The following RARS2 variants were observed in gnomAD, a reference collection of about 807,000 sequenced individuals.
The protein encoded by RARS2 is arginyl-tRNA synthetase 2, mitochondrial, also known as probable arginine--tRNA ligase, mitochondrial.
A neutral mutation model predicts 88.5 loss-of-function variants in RARS2; 67 were observed. That is an observed-to-expected ratio of 0.76 (90% CI 0.62 to 0.93). The LOEUF (loss-of-function observed/expected upper bound fraction) is 0.93. Among genes scored for constraint, RARS2 ranks in the 40% least tolerant of loss-of-function variants. The pLI, the probability that RARS2 is intolerant of heterozygous loss-of-function variation, is 0.00. For missense variants in RARS2, 664 were observed against 684.2 expected, an observed-to-expected ratio of 0.97 and a Z score of 0.33; for synonymous variants, 239 against 230.3, an observed-to-expected ratio of 1.04 and a Z score of -0.34.
intron 8 of RARS2, among the ~76,000 whole-genome samples, chr6:87,535,009 C>T (rs1426347936): frequency 6.6e-6 from 1 of 151,576 alleles, no homozygotes; most frequent in Non-Finnish European, 1.5e-5. Flanking sequence ...CTAGGAGACA[C>T]ATAAGAGCCT....
At chr6:87,546,598 A>G (rs1377032338) in intron 6 of RARS2, among the ~76,000 whole-genome samples, 5 of 152,204 alleles carry the variant, frequency 3.3e-5, no homozygotes, top group Non-Finnish European at 7.3e-5. Flanking sequence ...AAGGGATTGC[A>G]GAAGAGGCAG....
At chr6:87,541,018 TTAAC>T (rs146785072) in intron 8 of RARS2, among the ~76,000 whole-genome samples, 4,131 of 152,250 alleles carry the variant, frequency 0.027, 175 homozygotes, top group African/African-American at 0.094. Flanking sequence ...GCAGTACATA[TTAAC>T]TGACAGAAAA....
In RARS2 at chr6:87,559,292, A is replaced by C. The variant is rs142861979; in HGVS notation, c.297+3410T>G. Among the ~76,000 whole-genome samples the C allele has an allele frequency of 5.8e-3, 880 of 152,022 alleles. 6 individuals carry two copies. The highest frequency in any genetic ancestry group is 0.018 in the African/African-American group (762 of 41,492). ...TTAATTTATCATTGAAGAAAGAAAA[A>C]TATTTATTTTTTAGAGACAGGGTCT... On this transcript the variant is annotated intron_variant, in intron 4 of 19. Transcript: ENST00000369536.
intron 8 of RARS2, among the ~76,000 whole-genome samples, chr6:87,533,462 C>A (rs144272504): frequency 6.6e-6 from 1 of 152,066 alleles, no homozygotes; most frequent in Admixed American, 6.6e-5. Context: ...TTGGAAAGTA[C>A]GCATTTTGAA....
chr6:87,582,501 T>C (rs1012969609), intron 1 of RARS2, among the ~76,000 whole-genome samples: 9 of 152,224 alleles, frequency 5.9e-5, no homozygotes, highest in African/African-American at 1.9e-4. Context: ...GTCAGATAGA[T>C]TGTGAAAATT....
chr6:87,517,889 T>C (rs1298193387), intron 17 of RARS2, among the ~76,000 whole-genome samples: 3 of 152,184 alleles, frequency 2.0e-5, no homozygotes, highest in African/African-American at 2.4e-5. Context: ...AAAAAGGTTA[T>C]GCTTTTATAA....
intron 1 of RARS2, among the ~76,000 whole-genome samples, chr6:87,581,247 C>T (rs545171578): frequency 6.6e-6 from 1 of 152,132 alleles, no homozygotes; most frequent in East Asian, 1.9e-4. Flanking sequence ...GGATCCATAT[C>T]TTTAGCAACC....
At chr6:87,541,752 A>T (rs1315943993) in intron 8 of RARS2, among the ~76,000 whole-genome samples, 166 bp downstream of exon 8, 1 of 152,192 alleles carries the variant, frequency 6.6e-6, no homozygotes, top group Non-Finnish European at 1.5e-5. Flanking sequence ...TGAACCCAGG[A>T]GGCAGAGGTT....
At chr6:87,547,566 CGTAA>C (rs1782958696) in intron 6 of RARS2, among the ~76,000 whole-genome samples, 1 of 151,958 alleles carries the variant, frequency 6.6e-6, no homozygotes, top group African/African-American at 2.4e-5. Flanking sequence ...AAATGAAAAT[CGTAA>C]GTATATTATA....
chr6:87,514,748 T>A (rs543257624), intron 19 of RARS2, among the ~76,000 whole-genome samples: 1 of 152,332 alleles, frequency 6.6e-6, no homozygotes, highest in African/African-American at 2.4e-5. Context: ...AACTTATCAC[T>A]GTAATATTTC....
intron 11 of RARS2, among the ~76,000 whole-genome samples, chr6:87,522,738 T>TCAGG (rs1479672512): frequency 6.6e-6 from 1 of 152,166 alleles, no homozygotes; most frequent in Non-Finnish European, 1.5e-5. Flanking sequence ...TGATCTACCC[T>TCAGG]CCTCGTCCTC....
chr6:87,566,662 T>G (rs9450743), intron 2 of RARS2, among the ~76,000 whole-genome samples: 1 of 151,500 alleles, frequency 6.6e-6, no homozygotes, highest in African/African-American at 2.4e-5. Flanking sequence ...CTGGGCAATG[T>G]AGGCAGACAT....
chr6:87,578,757 A>T (rs1404695398), intron 1 of RARS2, among the ~76,000 whole-genome samples: 1 of 152,128 alleles, frequency 6.6e-6, no homozygotes, highest in Non-Finnish European at 1.5e-5. Flanking sequence ...TCAGGAGATC[A>T]AGACCAGCCT....
chr6:87,517,553 T>C (rs1334508105), intron 17 of RARS2, among the ~76,000 whole-genome samples: 1 of 152,212 alleles, frequency 6.6e-6, no homozygotes, highest in Non-Finnish European at 1.5e-5. Context: ...CTATTGTACA[T>C]GTGAGTAAAT....
chr6:87,551,580 T>C (rs967971858), intron 5 of RARS2, among the ~76,000 whole-genome samples: 12 of 126,928 alleles, frequency 9.5e-5, no homozygotes, highest in Admixed American at 7.3e-4. Flanking sequence ...CAATGAATCA[T>C]GCCACTGCAC....
At chr6:87,554,549 T>TA (rs1192427024) in intron 5 of RARS2, among the ~76,000 whole-genome samples, 2 of 152,182 alleles carry the variant, frequency 1.3e-5, no homozygotes, top group Admixed American at 6.5e-5. Context: ...CTTGAATTCC[T>TA]AGGCTCAAGC....
intron 1 of RARS2, among the ~76,000 whole-genome samples, chr6:87,585,575 A>G (rs918451202): frequency 1.3e-5 from 2 of 152,000 alleles, no homozygotes; most frequent in Admixed American, 1.3e-4. Flanking sequence ...CTAAAAATAC[A>G]AAAAAATTTA....
At position 87,518,894 on chromosome 6, in the gene RARS2, G is replaced by A; in HGVS notation, c.1238-3C>T. The A allele has an allele frequency of 3.1e-6, 5 of 1,613,830 alleles. No homozygotes were observed. Among genetic ancestry groups the A allele is most frequent in the Non-Finnish European group, 1.7e-6 (2 of 1,179,814 alleles). ...TGGGTTCTTGAGTTCTTTAGTTGCT[G>A]AAACAGACAAAGGCAGCTATCTTTA... On this transcript the variant is annotated splice_region_variant and splice_polypyrimidine_tract_variant and intron_variant, in intron 14 of 19. Transcript: ENST00000369536.
chr6:87,577,618 A>G (rs894132762), intron 1 of RARS2, among the ~76,000 whole-genome samples: 3 of 152,244 alleles, frequency 2.0e-5, no homozygotes, highest in Non-Finnish European at 4.4e-5. Context: ...CAGGAAAAAG[A>G]TTGGTGGTAA....
Sources: gnomAD v4.1 joint callset for allele counts (sites outside exome capture counted in the v4.1 genomes callset) on GRCh38, gnomAD v4.1.1 for gene constraint, MANE v1.5 for transcripts, NCBI Gene and HGNC (gene_info 2026-07-23, HGNC 2026-07-21) for gene names.